The following NCOA7 variants were observed in gnomAD, a reference collection of about 807,000 sequenced individuals.
The protein encoded by NCOA7 is nuclear receptor coactivator 7, also known as 140 kDa estrogen receptor-associated protein.
Under a neutral mutation model 104.3 loss-of-function variants are expected in NCOA7, and 45 were observed. That is an observed-to-expected ratio of 0.43 (90% CI 0.34 to 0.55). NCOA7 has a LOEUF of 0.55. Among genes scored for constraint, NCOA7 ranks in the 20% least tolerant of loss-of-function variants. The probability of loss-of-function intolerance (pLI) is 0.02; values close to 1 mark genes in which losing one functional copy is unlikely to be tolerated. For synonymous variants in NCOA7, 398 were observed against 402.3 expected (o/e 0.99, Z 0.13); for missense variants, 1,041 against 1,119.7 (o/e 0.93, Z 1.00).
chr6:125,783,601 T>G (rs999258096), intron 1 of NCOA7, among the ~76,000 whole-genome samples: 2 of 152,236 alleles, frequency 1.3e-5, no homozygotes, highest in African/African-American at 4.8e-5. Flanking sequence ...ATTTAAAACC[T>G]AAATCGTCCC....
Position 125,921,038 on chromosome 6 carries a change from C to T in NCOA7, c.2340C>T (p.Ser780=), listed in dbSNP as rs138536047. 6.2e-5 allele frequency: 100 copies of T among 1,613,668 alleles called. No homozygotes were observed. In the African/African-American group the frequency reaches 1.1e-3, roughly 17 times the overall value. Reference sequence around the variant, plus strand: ...TGCTGCCTGTCCTACGGCCCCACAGCGCGCTCCTGGAGAATATGCACATCG... The same window carrying T: ...TGCTGCCTGTCCTACGGCCCCACAGTGCGCTCCTGGAGAATATGCACATCG... ...EEVLPVLRPH[S]ALLENMHIEQ... Residue 780 remains serine, a synonymous_variant, in exon 12 of 16, where the codon AGC becomes AGT. Coordinates refer to ENST00000392477, the MANE Select transcript of NCOA7 (RefSeq NM_181782.5).
intron 3 of NCOA7, among the ~76,000 whole-genome samples, chr6:125,863,014 C>CA (rs1291082188): frequency 7.2e-6 from 1 of 138,662 alleles, no homozygotes; most frequent in East Asian, 2.1e-4. Context: ...AAAAAACAAA[C>CA]AAAAAACCCT....
intron 1 of NCOA7, among the ~76,000 whole-genome samples, chr6:125,796,373 A>G (rs1044450425): frequency 0.036 from 4 of 112 alleles, no homozygotes; most frequent in Admixed American, 0.22. Flanking sequence ...GTCCCTCAGT[A>G]TCGTGCAGGG....
chr6:125,825,779 A>G (rs1192826811), intron 2 of NCOA7, among the ~76,000 whole-genome samples: 1 of 152,086 alleles, frequency 6.6e-6, no homozygotes. Flanking sequence ...TAGTTCTTCT[A>G]CTATGCCAAG....
intron 1 of NCOA7, among the ~76,000 whole-genome samples, chr6:125,811,015 A>G (rs1485071258): frequency 6.6e-6 from 1 of 152,226 alleles, no homozygotes; most frequent in Non-Finnish European, 1.5e-5. Context: ...CAGTATAAAA[A>G]TTTTCCAATT....
intron 3 of NCOA7, among the ~76,000 whole-genome samples, chr6:125,857,755 C>T (rs1583394104): frequency 2.0e-5 from 3 of 151,898 alleles, no homozygotes; most frequent in South Asian, 4.2e-4. Context: ...CTTATTACCA[C>T]CTATTTTTTT....
chr6:125,924,010 T>C (rs1034871893), intron 13 of NCOA7, among the ~76,000 whole-genome samples: 1 of 152,214 alleles, frequency 6.6e-6, no homozygotes, highest in African/African-American at 2.4e-5. Context: ...TATTTCCTGA[T>C]TGCTGACATT....
intron 2 of NCOA7, among the ~76,000 whole-genome samples, chr6:125,839,372 C>A (rs758261751): frequency 2.6e-5 from 4 of 152,168 alleles, no homozygotes; most frequent in Non-Finnish European, 5.9e-5. Context: ...CCAACCTCAG[C>A]CTCACAAAGT....
At chr6:125,788,567 C>T (rs574524929), upstream of NCOA7, among the ~76,000 whole-genome samples, 11 of 143,192 alleles carry the variant, frequency 7.7e-5, no homozygotes, top group Admixed American at 3.5e-4. Context: ...GATGGAGTTT[C>T]GCTCTGTCAC....
At chr6:125,819,266 G>GT (rs952713840) in intron 2 of NCOA7, among the ~76,000 whole-genome samples, 2 of 152,042 alleles carry the variant, frequency 1.3e-5, no homozygotes, top group African/African-American at 4.8e-5. Context: ...TCAAAATAGA[G>GT]TTTAAAATAC....
At chr6:125,903,469 T>G (rs575880315) in intron 10 of NCOA7, among the ~76,000 whole-genome samples, 1 of 152,312 alleles carries the variant, frequency 6.6e-6, no homozygotes, top group Non-Finnish European at 1.5e-5. Flanking sequence ...CTCTTCCTGC[T>G]AAAGCTATGA....
intron 7 of NCOA7, among the ~76,000 whole-genome samples, chr6:125,884,050 T>C (rs1045524542): frequency 6.6e-6 from 1 of 152,166 alleles, no homozygotes; most frequent in Non-Finnish European, 1.5e-5. Flanking sequence ...ACCATTCTAC[T>C]CTCTACTTCT....
chr6:125,866,237 G>C lies in NCOA7; in HGVS notation c.272-8652G>C, dbSNP rs571141198. Among the ~76,000 whole-genome samples, 17 of 152,006 alleles carry C rather than the reference G, an allele frequency of 1.1e-4. No homozygotes were observed. The East Asian group carries it at 3.3e-3, about 29-fold the overall frequency. ...CCAGCTGTTCAGGAGGCTGAGGCAG[G>C]AGAATCGCTTGAACCCGTGAGGTGG... On this transcript the variant is annotated intron_variant, in intron 3 of 15. Transcript: ENST00000392477.
At chr6:125,854,228 A>G (rs1162266555) in intron 2 of NCOA7, among the ~76,000 whole-genome samples, 1 of 152,196 alleles carries the variant, frequency 6.6e-6, no homozygotes. Flanking sequence ...ATAAGGCAAA[A>G]ACATTCTCGA....
rs907106599 is a variant in NCOA7, at chr6:125,837,576, C to T, written c.51-17444C>T. Among the ~76,000 whole-genome samples, 5 of 152,266 alleles carry T rather than the reference C, an allele frequency of 3.3e-5. No individual in the cohort carries two copies. The South Asian group carries it at 1.0e-3, about 32-fold the overall frequency. ...CCCATATCCAGTCAGTGTATCTCCT[C>T]ATGTCCTTACCTTTTCCCCTTCTTT... On this transcript the variant is annotated intron_variant, in intron 2 of 15. Transcript: ENST00000392477.
chr6:125,806,274 G>C lies in NCOA7; in HGVS notation c.-64-9017G>C, dbSNP rs577767503. On this transcript the variant is annotated intron_variant, in intron 1 of 15. Transcript: ENST00000392477. ...GAGAATCACTTGAACCCAGGAGGGG[G>C]GGATTACCGTGAGCCGAGATCGTGG... Among the ~76,000 whole-genome samples the C allele has an allele frequency of 1.2e-4, 18 of 152,240 alleles. No individual in the cohort carries two copies. The South Asian group carries it at 1.2e-3, about 11-fold the overall frequency.
At chr6:125,878,875 C>T (rs1355611317) in intron 5 of NCOA7, among the ~76,000 whole-genome samples, 4 of 152,200 alleles carry the variant, frequency 2.6e-5, no homozygotes, top group African/African-American at 9.6e-5. Flanking sequence ...GATCCAGGCT[C>T]ACTTCCATGT....
intron 2 of NCOA7, among the ~76,000 whole-genome samples, chr6:125,845,848 C>T (rs1168671353): frequency 1.3e-5 from 2 of 152,192 alleles, no homozygotes; most frequent in East Asian, 1.9e-4. Context: ...CTGTATATAT[C>T]CATATCTATG....
intron 2 of NCOA7, among the ~76,000 whole-genome samples, chr6:125,837,212 G>A (rs1238620615): frequency 1.4e-5 from 2 of 141,828 alleles, no homozygotes; most frequent in Admixed American, 1.3e-4. Flanking sequence ...TAATTAGCCT[G>A]CTTCATCTTT....
Sources: gnomAD v4.1 joint callset for allele counts (sites outside exome capture counted in the v4.1 genomes callset) on GRCh38, gnomAD v4.1.1 for gene constraint, MANE v1.5 for transcripts, NCBI Gene and HGNC (gene_info 2026-07-23, HGNC 2026-07-21) for gene names.